The following PACRG variants were observed in gnomAD, a reference collection of about 807,000 sequenced individuals.
The protein encoded by PACRG is parkin coregulated.
In PACRG, 29 loss-of-function variants were observed where a neutral mutation model predicts 29.7. That is an observed-to-expected ratio of 0.98 (90% CI 0.73 to 1.33). The LOEUF is 1.33. Ranked by LOEUF, PACRG falls within the 40% of genes most tolerant of loss-of-function variation. PACRG has a pLI of 0.00. For synonymous variants in PACRG, 116 were observed against 118.7 expected, an observed-to-expected ratio of 0.98 and a Z score of 0.15; for missense variants, 279 against 316.2, an observed-to-expected ratio of 0.88 and a Z score of 0.89.
chr6:162,788,699 C>G (rs1406833364), intron 1 of PACRG, among the ~76,000 whole-genome samples: 1 of 152,152 alleles, frequency 6.6e-6, no homozygotes, highest in Non-Finnish European at 1.5e-5. Context: ...TGAATTTTGG[C>G]TATTTTAATA....
At chr6:162,875,221 GCA>G (rs1342575612) in intron 2 of PACRG, among the ~76,000 whole-genome samples, 1 of 140,384 alleles carries the variant, frequency 7.1e-6, no homozygotes, top group African/African-American at 2.7e-5. Context: ...ACACACACAT[GCA>G]CACACAGACA....
At chr6:162,817,926 A>G (rs1007286533) in intron 2 of PACRG, among the ~76,000 whole-genome samples, 1 of 152,298 alleles carries the variant, frequency 6.6e-6, no homozygotes, top group Non-Finnish European at 1.5e-5. Flanking sequence ...GAAAATTTCT[A>G]TATACTTATC....
At chr6:163,303,669 A>G (rs899858902) in intron 4 of PACRG, among the ~76,000 whole-genome samples, 1 of 152,184 alleles carries the variant, frequency 6.6e-6, no homozygotes, top group South Asian at 2.1e-4. Context: ...AAATGAAAGC[A>G]CTATAAAAAT....
chr6:162,823,246 C>T (rs968037526), intron 2 of PACRG, among the ~76,000 whole-genome samples: 2 of 152,056 alleles, frequency 1.3e-5, no homozygotes, highest in Admixed American at 1.3e-4. Context: ...AAAATTGCTT[C>T]CATGTATTTT....
chr6:163,006,041 A>AT, intron 2 of PACRG, among the ~76,000 whole-genome samples: 1 of 145,034 alleles, frequency 6.9e-6, no homozygotes, highest in Admixed American at 7.0e-5. Flanking sequence ...TATATATAAC[A>AT]TATATAACTA....
chr6:163,034,814 A>G (rs896705939), intron 2 of PACRG, among the ~76,000 whole-genome samples: 1 of 152,142 alleles, frequency 6.6e-6, no homozygotes, highest in African/African-American at 2.4e-5. Flanking sequence ...GGGTTCTTGG[A>G]CCTCGCGCAA....
chr6:162,946,020 A>G (rs2128124597), intron 2 of PACRG, among the ~76,000 whole-genome samples: 1 of 152,226 alleles, frequency 6.6e-6, no homozygotes, highest in South Asian at 2.1e-4. Flanking sequence ...GCACTGTTCA[A>G]AGGAAAGTTT....
chr6:163,152,060 A>G (rs577685021), intron 4 of PACRG, among the ~76,000 whole-genome samples: 14 of 152,360 alleles, frequency 9.2e-5, no homozygotes, highest in Non-Finnish European at 2.9e-5. Flanking sequence ...GCAGAACTTT[A>G]TATTTTAAGT....
At chr6:162,825,086 T>A (rs978360602) in intron 2 of PACRG, among the ~76,000 whole-genome samples, 4 of 152,174 alleles carry the variant, frequency 2.6e-5, no homozygotes, top group Admixed American at 2.0e-4. Context: ...ATTGCCATAT[T>A]AAGAAATAAT....
At chr6:162,764,154 A>G (rs1254081561) in intron 1 of PACRG, among the ~76,000 whole-genome samples, 1 of 152,114 alleles carries the variant, frequency 6.6e-6, no homozygotes, top group Non-Finnish European at 1.5e-5. Flanking sequence ...ACACACCTGC[A>G]GTCCCAGCTA....
At chr6:163,302,258 G>T (rs73025088) in intron 4 of PACRG, among the ~76,000 whole-genome samples, 33,148 of 142,850 alleles carry the variant, frequency 0.23, 4,297 homozygotes, top group African/African-American at 0.39. Context: ...GTTTTTTTTT[G>T]TTTTTTTTTT....
intron 2 of PACRG, among the ~76,000 whole-genome samples, chr6:162,926,347 C>A (rs1238224135): frequency 1.3e-5 from 2 of 151,384 alleles, no homozygotes; most frequent in African/African-American, 4.8e-5. Flanking sequence ...ATATCCAAGA[C>A]AATCCTAAGC....
At chr6:162,781,548 T>C (rs1215134239) in intron 1 of PACRG, among the ~76,000 whole-genome samples, 2 of 152,000 alleles carry the variant, frequency 1.3e-5, no homozygotes, top group Admixed American at 1.3e-4. Context: ...ATCTACTGTT[T>C]AGATAAAAAT....
At chr6:163,239,519 T>A (rs772457901) in intron 4 of PACRG, among the ~76,000 whole-genome samples, 1 of 151,962 alleles carries the variant, frequency 6.6e-6, no homozygotes, top group Non-Finnish European at 1.5e-5. Context: ...AGTCCCTAGG[T>A]GGACACCTTG....
intron 2 of PACRG, among the ~76,000 whole-genome samples, chr6:163,011,531 G>A (rs902097016): frequency 6.6e-6 from 1 of 152,202 alleles, no homozygotes; most frequent in African/African-American, 2.4e-5. Flanking sequence ...TGAGTGGTAA[G>A]TGATTGTGAG....
At chr6:162,889,005 G>A (rs1401173535) in intron 2 of PACRG, among the ~76,000 whole-genome samples, 2 of 152,112 alleles carry the variant, frequency 1.3e-5, no homozygotes, top group East Asian at 3.9e-4. Flanking sequence ...TCTGGCATTA[G>A]GCTCAATCCC....
chr6:162,749,380 A>C (rs1173368836), intron 1 of PACRG, among the ~76,000 whole-genome samples: 1 of 152,352 alleles, frequency 6.6e-6, no homozygotes, highest in African/African-American at 2.4e-5. Context: ...TATTAATGGC[A>C]ATAACAAGAA....
intron 2 of PACRG, among the ~76,000 whole-genome samples, chr6:162,940,099 A>T (rs1393650728): frequency 1.3e-5 from 2 of 152,212 alleles, no homozygotes; most frequent in African/African-American, 4.8e-5. Context: ...ATGGACTATT[A>T]TAGTCATAAA....
chr6:163,132,898 G>A (rs1209630311), intron 4 of PACRG, among the ~76,000 whole-genome samples: 2 of 152,176 alleles, frequency 1.3e-5, no homozygotes, highest in African/African-American at 4.8e-5. Flanking sequence ...CCAAGAATTA[G>A]TAAAGAAGAA....
Sources: gnomAD v4.1 joint callset for allele counts (sites outside exome capture counted in the v4.1 genomes callset) on GRCh38, gnomAD v4.1.1 for gene constraint, MANE v1.5 for transcripts, NCBI Gene and HGNC (gene_info 2026-07-23, HGNC 2026-07-21) for gene names.